Variants in DPH6 observed in about 807,000 individuals in gnomAD.
DPH6 encodes the protein diphthamine biosynthesis 6.
DPH6 carries 33 observed loss-of-function variants against 38.2 expected under a neutral mutation model. The observed-to-expected ratio is 0.86, with a 90% confidence interval of 0.65 to 1.15. The LOEUF is 1.15. DPH6 is among the 50% of genes most tolerant of loss of function. The pLI, the probability that DPH6 is intolerant of heterozygous loss-of-function variation, is 0.00. For missense variants in DPH6, 325 were observed against 320.0 expected (o/e 1.02, Z -0.12); for synonymous variants, 108 against 103.0 (o/e 1.05, Z -0.30).
the DPH6 span, among the ~76,000 whole-genome samples, chr15:35,159,460 T>A: frequency 1.3e-5 from 2 of 151,998 alleles, no homozygotes; most frequent in African/African-American, 4.8e-5. Context: ...GAAAAAATGC[T>A]CATTATCACT....
chr15:35,335,163 G>A (rs1046432022), intron 3 of DPH6, among the ~76,000 whole-genome samples: 2 of 152,108 alleles, frequency 1.3e-5, no homozygotes, highest in Non-Finnish European at 2.9e-5. Flanking sequence ...ATGATGTTGA[G>A]CTTTTTTACA....
At chr15:35,365,652 T>C (rs550093194) in intron 3 of DPH6, among the ~76,000 whole-genome samples, 3 of 152,222 alleles carry the variant, frequency 2.0e-5, no homozygotes, top group Non-Finnish European at 2.9e-5. Context: ...AAGTCTTACA[T>C]AGATTTAGGC....
In DPH6 at chr15:35,516,630, T is replaced by A. The variant is rs114545851; in HGVS notation, c.312+21644A>T. 7.9e-3 allele frequency among the ~76,000 whole-genome samples: 1,196 copies of A among 152,310 alleles called. 29 individuals carry two copies. Among genetic ancestry groups the A allele is most frequent in the African/African-American group, 0.027 (1,140 of 41,558 alleles). The stretch of plus-strand genomic sequence containing the variant: ...AACACAATATTGGTTTTCTAAACTC[T>A]ATTTAATTATGAACATATCATTGAT... On this transcript the variant is annotated intron_variant, in intron 3 of 8. Transcript: ENST00000256538.
chr15:35,385,845 CA>C (rs986133465), intron 6 of DPH6, among the ~76,000 whole-genome samples: 2 of 151,930 alleles, frequency 1.3e-5, no homozygotes, highest in Admixed American at 6.6e-5. Context: ...TATTGTTTCA[CA>C]TTTTTTTTTA....
chr15:35,379,958 C>T (rs1387668428), intron 7 of DPH6, among the ~76,000 whole-genome samples: 1 of 150,614 alleles, frequency 6.6e-6, no homozygotes, highest in Non-Finnish European at 1.5e-5. Flanking sequence ...GAAAAGGTAT[C>T]ACAAAAGAAA....
At chr15:35,507,657 T>A (rs1365365482) in intron 3 of DPH6, among the ~76,000 whole-genome samples, 1 of 152,116 alleles carries the variant, frequency 6.6e-6, no homozygotes, top group Non-Finnish European at 1.5e-5. Flanking sequence ...CTAAATTAAT[T>A]TGCTACTATT....
chr15:35,413,844 C>T (rs1378263664), intron 5 of DPH6, among the ~76,000 whole-genome samples: 2 of 151,382 alleles, frequency 1.3e-5, no homozygotes, highest in South Asian at 4.2e-4. Context: ...TTTTTTTCTG[C>T]CTCATACTGA....
At chr15:35,273,721 A>G (rs982323244) in intron 3 of DPH6, among the ~76,000 whole-genome samples, 1 of 152,236 alleles carries the variant, frequency 6.6e-6, no homozygotes, top group African/African-American at 2.4e-5. Context: ...CTCTTCAAGG[A>G]TAACTACAAA....
chr15:35,497,315 C>T (rs147069371), intron 3 of DPH6, among the ~76,000 whole-genome samples: 284 of 152,176 alleles, frequency 1.9e-3, no homozygotes, highest in African/African-American at 6.6e-3. Flanking sequence ...TATTAGTGAA[C>T]TTATTTTTAA....
In DPH6 at chr15:35,371,868, T is replaced by A. The variant is rs1166268821; in HGVS notation, c.*282A>T. 1.7e-5 allele frequency: 18 copies of A among 1,079,584 alleles called. No homozygotes were observed. Among genetic ancestry groups the A allele is most frequent in the Non-Finnish European group, 1.9e-5 (17 of 888,942 alleles). 66.9% of individuals were successfully genotyped at this position (1,079,584 alleles called of 1,614,324 possible). Reference sequence around the variant, plus strand: ...GATAAAAAAAGAAATGCTACAGAAATGGGGTTTATAGATGAAATAAAAGAA... The same window carrying A: ...GATAAAAAAAGAAATGCTACAGAAAAGGGGTTTATAGATGAAATAAAAGAA... On this transcript the variant is annotated 3_prime_UTR_variant, in exon 9 of 9. Coordinates refer to ENST00000256538, the MANE Select transcript of DPH6 (RefSeq NM_080650.4).
the DPH6 span, among the ~76,000 whole-genome samples, chr15:35,149,450 G>A: frequency 6.6e-6 from 1 of 152,110 alleles, no homozygotes; most frequent in Non-Finnish European, 1.5e-5. Flanking sequence ...TGTTGGCCAG[G>A]CTGGTCTTAA....
chr15:35,296,804 C>CTTTTTTTTTTT lies in DPH6; in HGVS notation n.201-76233_201-76223dup, dbSNP rs772132282. On this transcript the variant is annotated intron_variant and non_coding_transcript_variant, in intron 3 of 3. Coordinates refer to the DPH6 transcript ENST00000560386. ...ATTCTCTAACCTGATGGCCTGGCTT[C>CTTTTTTTTTTT]TTTTTTTTTTTGAGACGGAGTCTCG... Among the ~76,000 whole-genome samples the CTTTTTTTTTTT allele has an allele frequency of 1.6e-5, 2 of 127,332 alleles. 1 individual carries two copies. Among genetic ancestry groups the CTTTTTTTTTTT allele is most frequent in the Non-Finnish European group, 3.1e-5 (2 of 64,270 alleles). The allele number at this position is 127,332 out of a possible 152,430, so 83.5% of individuals were successfully genotyped here.
At chr15:35,269,978 G>A (rs765996080) in intron 3 of DPH6, among the ~76,000 whole-genome samples, 1 of 150,262 alleles carries the variant, frequency 6.7e-6, no homozygotes, top group Non-Finnish European at 1.5e-5. Flanking sequence ...ATTTCTAGTA[G>A]AGATGGGGTT....
At chr15:35,311,071 C>G (rs2052137452) in intron 3 of DPH6, among the ~76,000 whole-genome samples, 1 of 148,608 alleles carries the variant, frequency 6.7e-6, no homozygotes, top group Admixed American at 6.7e-5. Context: ...AAAACAACAA[C>G]AACAACAACA....
At chr15:35,307,331 C>T (rs1371013147) in intron 3 of DPH6, among the ~76,000 whole-genome samples, 1 of 151,960 alleles carries the variant, frequency 6.6e-6, no homozygotes. Context: ...TCATGTAAAA[C>T]CAAAACAAAG....
intron 3 of DPH6, among the ~76,000 whole-genome samples, chr15:35,313,421 G>C (rs1204938319): frequency 6.6e-6 from 1 of 151,418 alleles, no homozygotes; most frequent in African/African-American, 2.4e-5. Flanking sequence ...TCTGTAAATT[G>C]CTTTGGGGAG....
chr15:35,224,147 C>A (rs1431036052), intron 3 of DPH6, among the ~76,000 whole-genome samples: 1 of 136,752 alleles, frequency 7.3e-6, no homozygotes, highest in Admixed American at 8.2e-5. Context: ...TGCTCTGTCA[C>A]CCAGGCTAGA....
intron 6 of DPH6, among the ~76,000 whole-genome samples, chr15:35,395,376 G>C (rs2053117679): frequency 6.6e-6 from 1 of 152,058 alleles, no homozygotes; most frequent in Non-Finnish European, 1.5e-5. Context: ...TAAATCTCCT[G>C]AGATTTCTTT....
downstream of DPH6, among the ~76,000 whole-genome samples, chr15:35,366,933 G>T (rs1003221488): frequency 6.6e-6 from 1 of 151,830 alleles, no homozygotes; most frequent in Non-Finnish European, 1.5e-5. Flanking sequence ...AACAGAGTAG[G>T]TATTCAAGAT....
Sources: gnomAD v4.1 joint callset for allele counts (sites outside exome capture counted in the v4.1 genomes callset) on GRCh38, gnomAD v4.1.1 for gene constraint, MANE v1.5 for transcripts, NCBI Gene and HGNC (gene_info 2026-07-23, HGNC 2026-07-21) for gene names.